Variants in GRK5 observed in about 807,000 individuals in gnomAD.
The protein encoded by GRK5 is G protein-coupled receptor kinase 5.
In GRK5, 40 loss-of-function variants were observed where a neutral mutation model predicts 78.4. The observed-to-expected ratio is 0.51, with a 90% CI of 0.40 to 0.66. GRK5 has a LOEUF of 0.66. Ranked by LOEUF, GRK5 falls within the 30% of genes least tolerant of loss-of-function variation. GRK5 has a pLI of 0.00. For missense variants in GRK5, 598 were observed against 759.9 expected (o/e 0.79, Z 2.50); for synonymous variants, 289 against 296.8 (o/e 0.97, Z 0.27).
intron 15 of GRK5, 117 bp downstream of exon 15, chr10:119,453,393 G>A: frequency 8.2e-7 from 1 of 1,218,540 alleles, no homozygotes; most frequent in South Asian, 1.4e-5. Context: ...GTCTGGGGCA[G>A]TAGCAGCTTG....
At chr10:119,266,761 T>TG (rs1368830743) in intron 1 of GRK5, among the ~76,000 whole-genome samples, 6 of 2,142 alleles carry the variant, frequency 2.8e-3, no homozygotes, top group Admixed American at 0.015. Flanking sequence ...GTTGGGTGGG[T>TG]GGGGGGGAAG....
intron 4 of GRK5, among the ~76,000 whole-genome samples, chr10:119,398,281 G>A (rs1439312905): frequency 6.6e-6 from 1 of 152,214 alleles, no homozygotes; most frequent in African/African-American, 2.4e-5. Flanking sequence ...GACACTCTGG[G>A]CATAAACACA....
In GRK5 at chr10:119,238,560, G is replaced by T. The variant is rs1848969922; in HGVS notation, c.52+30591G>T. On this transcript the variant is annotated intron_variant, in intron 1 of 15. Transcript: ENST00000392870. The surrounding 1 kb of genome is among the most constrained non-coding windows in gnomAD (Gnocchi z 4.7). The stretch of plus-strand genomic sequence containing the variant: ...GAAATAAAGCATCCCTGGATCCTTT[G>T]GCTTCTTGGACAATATGCAGGAAAA... Among the ~76,000 whole-genome samples the T allele has an allele frequency of 6.6e-6, 1 of 152,052 alleles. No individual in the cohort carries two copies. The highest frequency in any genetic ancestry group is 6.6e-5 in the Admixed American group (1 of 15,260).
At chr10:119,434,635 C>T (rs1852885049) in intron 8 of GRK5, among the ~76,000 whole-genome samples, 2 of 152,246 alleles carry the variant, frequency 1.3e-5, no homozygotes, top group African/African-American at 4.8e-5. Context: ...ATCCCTGTGG[C>T]TTTGCAGGGT....
chr10:119,246,135 T>C (rs1237845636), intron 1 of GRK5, among the ~76,000 whole-genome samples: 1 of 152,124 alleles, frequency 6.6e-6, no homozygotes, highest in Non-Finnish European at 1.5e-5. Flanking sequence ...TTAGTATCCT[T>C]TGGTCATTGG....
At chr10:119,442,158 A>G (rs1034302563) in intron 11 of GRK5, 70 bp downstream of exon 11, 9 of 1,258,922 alleles carry the variant, frequency 7.1e-6, no homozygotes, top group African/African-American at 1.5e-5. Flanking sequence ...CCGAGCCCCC[A>G]GAGCCTGCCC....
At chr10:119,299,249 C>A (rs766559770) in intron 1 of GRK5, among the ~76,000 whole-genome samples, 1 of 152,120 alleles carries the variant, frequency 6.6e-6, no homozygotes, top group Non-Finnish European at 1.5e-5. Flanking sequence ...TTGAGACCAG[C>A]CTGGCCAACA....
intron 1 of GRK5, among the ~76,000 whole-genome samples, chr10:119,229,786 A>G (rs1848796639): frequency 6.6e-6 from 1 of 152,196 alleles, no homozygotes. Flanking sequence ...GTATGAAGAC[A>G]GCATTTACAG....
intron 10 of GRK5, among the ~76,000 whole-genome samples, chr10:119,441,622 TTG>T (rs1853038245): frequency 6.6e-6 from 1 of 152,180 alleles, no homozygotes; most frequent in Admixed American, 6.5e-5. Context: ...CTTAAGCAAA[TTG>T]TTGCATAATG....
chr10:119,311,231 C>A (rs575586291), intron 1 of GRK5, among the ~76,000 whole-genome samples: 2 of 152,172 alleles, frequency 1.3e-5, no homozygotes, highest in East Asian at 3.8e-4. Flanking sequence ...ATTGATGGAG[C>A]TTTTGCTATG....
intron 2 of GRK5, among the ~76,000 whole-genome samples, chr10:119,366,377 G>C (rs1227207566): frequency 6.6e-6 from 1 of 151,966 alleles, no homozygotes; most frequent in East Asian, 1.9e-4. Flanking sequence ...AGGAGAGAGA[G>C]AATTTACAGC....
chr10:119,360,574 G>C (rs1043685989), intron 2 of GRK5, among the ~76,000 whole-genome samples: 2 of 151,992 alleles, frequency 1.3e-5, no homozygotes, highest in Non-Finnish European at 2.9e-5. Flanking sequence ...TGTGTGAGTG[G>C]GAAAAGTCTG....
In GRK5 at chr10:119,208,532, G is replaced by A. The variant is rs11198822; in HGVS notation, c.52+563G>A. ...ATGTTGAGGAATTAGCCTTTTCATAGAATTATCAAAGGATGGCTGTACAGA... is the reference window on the plus strand; with the variant it reads ...ATGTTGAGGAATTAGCCTTTTCATAAAATTATCAAAGGATGGCTGTACAGA... On this transcript the variant is annotated intron_variant, in intron 1 of 15. Coordinates refer to ENST00000392870, the MANE Select transcript of GRK5 (RefSeq NM_005308.3). 3.7e-3 allele frequency: 572 copies of A among 153,468 alleles called. 2 individuals carry two copies. Among genetic ancestry groups the A allele is most frequent in the Non-Finnish European group, 5.5e-3 (380 of 68,836 alleles). The allele number at this position is 153,468 out of a possible 1,614,324, so 9.5% of individuals were successfully genotyped here. A position where few individuals can be genotyped will look rare whatever the true frequency, so the allele number is the denominator to read the frequency against.
chr10:119,272,140 C>G (rs1277080689), intron 1 of GRK5, among the ~76,000 whole-genome samples: 1 of 152,156 alleles, frequency 6.6e-6, no homozygotes, highest in Non-Finnish European at 1.5e-5. Context: ...TGTATGGGAC[C>G]CTGTGCCGGC....
At chr10:119,446,321 G>A (rs1270690428) in intron 12 of GRK5, among the ~76,000 whole-genome samples, 5 of 152,210 alleles carry the variant, frequency 3.3e-5, no homozygotes, top group Non-Finnish European at 5.9e-5. Flanking sequence ...GAAGTAAATG[G>A]TAGGTTCATT....
At position 119,253,565 on chromosome 10, in the gene GRK5, C is replaced by T. The variant is rs894584924; in HGVS notation, c.52+45596C>T. Among the ~76,000 whole-genome samples the T allele has an allele frequency of 1.6e-4, 25 of 152,212 alleles. No homozygotes were observed. The highest frequency in any genetic ancestry group is 7.2e-4 in the Admixed American group (11 of 15,286). ...ATGCTTGCGGGATGCTGCCCCACCA[C>T]GGCTGGAACCAGGGCTTCAGCCCGG... On this transcript the variant is annotated intron_variant, in intron 1 of 15. Transcript: ENST00000392870. The surrounding 1 kb of genome is among the most constrained non-coding windows in gnomAD (Gnocchi z 5.7).
chr10:119,252,212 GCCAGCC>G (rs1464521868), intron 1 of GRK5, among the ~76,000 whole-genome samples: 1 of 152,206 alleles, frequency 6.6e-6, no homozygotes, highest in Non-Finnish European at 1.5e-5. Flanking sequence ...GGGTGAGCTT[GCCAGCC>G]CCAGCTACAG....
At chr10:119,401,066 A>G (rs1470977815) in intron 4 of GRK5, among the ~76,000 whole-genome samples, 1 of 152,158 alleles carries the variant, frequency 6.6e-6, no homozygotes, top group African/African-American at 2.4e-5. Context: ...GTTCTCGATC[A>G]ATGTGAGTTG....
Position 119,264,786 on chromosome 10 carries a change from C to T in GRK5, c.52+56817C>T, listed in dbSNP as rs573164728. Among the ~76,000 whole-genome samples, 7 of 152,284 alleles carry T rather than the reference C, an allele frequency of 4.6e-5. No homozygotes were observed. Among genetic ancestry groups the T allele is most frequent in the African/African-American group, 1.7e-4 (7 of 41,520 alleles). On this transcript the variant is annotated intron_variant, in intron 1 of 15. Transcript: ENST00000392870. The surrounding 1 kb of genome is among the most constrained non-coding windows in gnomAD (Gnocchi z 4.1). ...CCTGGGTGGACTAAAACCACACTTA[C>T]CCACTACATGCCCTGCCCACTCCCT...
Sources: allele counts gnomAD v4.1 joint callset (sites outside exome capture counted in the v4.1 genomes callset), GRCh38; gene constraint gnomAD v4.1.1; non-coding constraint Gnocchi (gnomAD v3.1); transcripts MANE v1.5; gene names NCBI Gene and HGNC (gene_info 2026-07-23, HGNC 2026-07-21).